TEX15: variants seen among roughly 807,000 people sequenced by gnomAD.
The protein encoded by TEX15 is testis expressed 15, meiosis and synapsis associated, also known as testis-expressed protein 15.
A neutral mutation model predicts 237.3 loss-of-function variants in TEX15; 171 were observed. That is an observed-to-expected ratio of 0.72 (90% confidence interval 0.64 to 0.82). The LOEUF (loss-of-function observed/expected upper bound fraction) is 0.82. TEX15 is among the 40% of genes least tolerant of loss of function. The probability of loss-of-function intolerance (pLI) is 0.00; values close to 1 mark genes in which losing one functional copy is unlikely to be tolerated. For synonymous variants in TEX15, 1,338 were observed against 1,269.8 expected, an observed-to-expected ratio of 1.05 and a Z score of -1.14; for missense variants, 3,750 against 3,646.5, an observed-to-expected ratio of 1.03 and a Z score of -0.73.
intron 7 of TEX15, among the ~76,000 whole-genome samples, chr8:30,858,180 A>G (rs1042532338): frequency 1.3e-5 from 2 of 152,250 alleles, no homozygotes; most frequent in African/African-American, 2.4e-5. Flanking sequence ...ACAGTTACAC[A>G]TATCAATAGG....
chr8:30,867,054 CTTT>C (rs578027524), intron 5 of TEX15, among the ~76,000 whole-genome samples: 4 of 128,218 alleles, frequency 3.1e-5, no homozygotes, highest in Non-Finnish European at 6.8e-5. Flanking sequence ...GCTGCCTTTG[CTTT>C]TTTTTTTTTT....
At chr8:30,860,191 TG>T (rs1808014873) in intron 5 of TEX15, 134 bp from the exon 6 acceptor site, 3 of 740,996 alleles carry the variant, frequency 4.0e-6, no homozygotes, top group Non-Finnish European at 5.8e-6. Flanking sequence ...CAGTCCAGGC[TG>T]GAGTTGCAGG....
intron 2 of TEX15, among the ~76,000 whole-genome samples, chr8:30,892,734 T>C (rs1252702894): frequency 2.6e-5 from 4 of 152,194 alleles, no homozygotes; most frequent in African/African-American, 9.6e-5. Context: ...TTCACTACTA[T>C]GTTTAAAATG....
intron 3 of TEX15, among the ~76,000 whole-genome samples, chr8:30,877,429 A>G (rs1007431270): frequency 2.0e-5 from 3 of 152,232 alleles, no homozygotes; most frequent in African/African-American, 7.2e-5. Context: ...TAGCTTATCA[A>G]CAGAAGTTAA....
chr8:30,909,838 A>G (rs1200533600), intron 1 of TEX15, among the ~76,000 whole-genome samples: 1 of 152,146 alleles, frequency 6.6e-6, no homozygotes, highest in East Asian at 1.9e-4. Context: ...AGATGAGGTT[A>G]TTTTTCACCT....
chr8:30,881,629 A>T (rs10755887), intron 3 of TEX15, among the ~76,000 whole-genome samples: 107,686 of 116,316 alleles, frequency 0.93, 49,625 homozygotes, highest in East Asian at 0.97. Context: ...TTTTTTTATT[A>T]TTTTTTTTTT....
intron 3 of TEX15, among the ~76,000 whole-genome samples, chr8:30,877,118 G>C (rs1054855076): frequency 6.6e-6 from 1 of 152,148 alleles, no homozygotes; most frequent in African/African-American, 2.4e-5. Context: ...ACCATCACTA[G>C]GAAAAGAACA....
chr8:30,875,083 G>A lies in TEX15; in HGVS notation c.156C>T (p.Tyr52=). ...TAAAACTATACTCTCTACTATTGGT[G>A]TAACAAGGTGACAAGTAAACTAAAG... ...TAEKVYLSPC[Y]TNSREYSFIH... Residue 52 remains tyrosine (Y), a synonymous_variant, in exon 4 of 11, where the codon TAC becomes TAT. Transcript: ENST00000643185. 8.0e-7 allele frequency: 1 copy of A among 1,244,360 alleles called. No homozygotes were observed. The highest frequency in any genetic ancestry group is 1.0e-6 in the Non-Finnish European group (1 of 992,912). 77.1% of individuals were successfully genotyped at this position (1,244,360 alleles called of 1,614,324 possible). A position where few individuals can be genotyped will look rare whatever the true frequency, so the allele number is the denominator to read the frequency against.
At chr8:30,891,691 C>G (rs1808799002) in intron 2 of TEX15, among the ~76,000 whole-genome samples, 1 of 152,030 alleles carries the variant, frequency 6.6e-6, no homozygotes, top group Non-Finnish European at 1.5e-5. Context: ...CCAGGCTGGT[C>G]TCAGCTTCCT....
Position 30,847,060 on chromosome 8 carries a change from T to C in TEX15, c.3107A>G (p.Asn1036Ser), listed in dbSNP as rs1327022463. 6.2e-7 allele frequency: 1 copy of C among 1,612,870 alleles called. No individual in the cohort carries two copies. Among genetic ancestry groups the C allele is most frequent in the East Asian group, 2.2e-5 (1 of 44,874 alleles). Residue 1036 changes from asparagine to serine, a missense_variant, in exon 8 of 11, where the codon AAT becomes AGT. Asn to Ser is a conservative substitution (Grantham distance 46, BLOSUM62 1). Transcript: ENST00000643185. ...TTGATGAAATGATTCTTGTGATTTA[T>C]TTTTATCCGTATCAATTTCACAATC... The part of the protein sequence containing the change: ...VSDCEIDTDK[N>S]KSQESFHQSI...
chr8:30,835,725 T>A lies in TEX15; in HGVS notation c.9481+1078A>T, dbSNP rs1030065488. ...TTTTTATATTTTGCTTTAACTCTGA[T>A]AAATGCACATTTCAATTTCATTAAA... On this transcript the variant is annotated intron_variant, in intron 10 of 10. Transcript: ENST00000643185. 5.3e-5 allele frequency among the ~76,000 whole-genome samples: 8 copies of A among 152,248 alleles called. 1 individual carries two copies. Among genetic ancestry groups the A allele is most frequent in the Admixed American group, 4.6e-4 (7 of 15,280 alleles).
Position 30,847,363 on chromosome 8 carries a change from G to C in TEX15, c.2804C>G (p.Ala935Gly), listed in dbSNP as rs1807644200. ...ICREDNAVSA[A>G]TALLESEEDT... ...TTCTTCACTCTCTAATAATGCAGTTGCTGCTGACACTGCATTATCTTCTCT... is the reference window on the plus strand; with the variant it reads ...TTCTTCACTCTCTAATAATGCAGTTCCTGCTGACACTGCATTATCTTCTCT... Residue 935 changes from alanine (A) to glycine (G), a missense_variant, in exon 8 of 11, where the codon GCA (alanine) becomes GGA (glycine). By Grantham distance (60) the Ala-to-Gly change is moderately conservative (BLOSUM62 0). Coordinates refer to ENST00000643185, the MANE Select transcript of TEX15 (RefSeq NM_001350162.2). 1.2e-6 allele frequency: 2 copies of C among 1,613,432 alleles called. No homozygotes were observed. Among genetic ancestry groups the C allele is most frequent in the Non-Finnish European group, 8.5e-7 (1 of 1,179,700 alleles).
At position 30,848,347 on chromosome 8, in the gene TEX15, T is replaced by G; in HGVS notation, c.1820A>C (p.Lys607Thr). 1.2e-6 allele frequency: 2 copies of G among 1,614,148 alleles called. No homozygotes were observed. The highest frequency in any genetic ancestry group is 2.2e-5 in the East Asian group (1 of 44,884). The change falls in exon 8 of 11, where the codon AAG becomes ACG. Residue 607 changes from lysine to threonine, a missense_variant. By Grantham distance (78) the Lys-to-Thr change is moderately conservative (BLOSUM62 -1). Transcript: ENST00000643185. ...CQTSTVFPLK[K>T]KVSIDEYLQN... ...AAGGTATTCATCAATGCTTACTTTC[T>G]TTTTGAGTGGAAAAACTGTAGACGT...
Position 30,849,060 on chromosome 8 carries a change from T to C in TEX15, c.1107A>G (p.Arg369=). 6.2e-7 allele frequency: 1 copy of C among 1,614,010 alleles called. No individual in the cohort carries two copies. Among genetic ancestry groups the C allele is most frequent in the Non-Finnish European group, 8.5e-7 (1 of 1,179,984 alleles). ...CATGTGCAAGTACTTGAGAAGTGTC[T>C]CTAATTTCTGCTAAACTGTGCTCTG... ...GQTEHSLAEI[R]DTSQVLAHDS... The change falls in exon 8 of 11, where the codon AGA becomes AGG. Residue 369 remains arginine, a synonymous_variant. Coordinates refer to ENST00000643185, the MANE Select transcript of TEX15 (RefSeq NM_001350162.2).
chr8:30,877,110 C>T (rs1222461191), intron 3 of TEX15, among the ~76,000 whole-genome samples: 1 of 152,080 alleles, frequency 6.6e-6, no homozygotes, highest in Non-Finnish European at 1.5e-5. Context: ...AATGTAGCAC[C>T]ATCACTAGGA....
rs1194953905 is a variant in TEX15, at chr8:30,847,713, C to G, written c.2454G>C (p.Glu818Asp). The G allele has an allele frequency of 1.2e-6, 2 of 1,613,716 alleles. No homozygotes were observed. The highest frequency in any genetic ancestry group is 1.7e-6 in the Non-Finnish European group (2 of 1,179,918). ...RKNENEPVSL[E>D]NIQRDYKETA... ...TTTCTTTATAGTCTCTCTGAATGTTCTCTAATGACACTGGTTCATTTTCAT... is the reference window on the plus strand; with the variant it reads ...TTTCTTTATAGTCTCTCTGAATGTTGTCTAATGACACTGGTTCATTTTCAT... The change falls in exon 8 of 11, where the codon GAG (glutamate) becomes GAC (aspartate). Residue 818 changes from glutamate (E) to aspartate (D), a missense_variant. Transcript: ENST00000643185.
intron 1 of TEX15, among the ~76,000 whole-genome samples, chr8:30,899,511 T>C (rs1021158456): frequency 1.3e-5 from 2 of 152,156 alleles, no homozygotes; most frequent in African/African-American, 4.8e-5. Context: ...TGGCATGATT[T>C]TGGCTCACGG....
intron 1 of TEX15, among the ~76,000 whole-genome samples, chr8:30,905,734 C>CAGAAAAAAAAA (rs1809091073): frequency 2.0e-5 from 1 of 50,992 alleles, no homozygotes; most frequent in African/African-American, 7.9e-5. Flanking sequence ...ACAAAAAATA[C>CAGAAAAAAAAA]AAAAAAAAAA....
chr8:30,874,322 T>C (rs1340828645), intron 4 of TEX15, among the ~76,000 whole-genome samples: 1 of 152,144 alleles, frequency 6.6e-6, no homozygotes, highest in Admixed American at 6.6e-5. Context: ...TAGAAGAAAA[T>C]ATAGGAATGC....
Sources: gnomAD v4.1 joint callset for allele counts (sites outside exome capture counted in the v4.1 genomes callset) on GRCh38, gnomAD v4.1.1 for gene constraint, MANE v1.5 for transcripts, NCBI Gene and HGNC (gene_info 2026-07-23, HGNC 2026-07-21) for gene names.